Variants in CCDC7 observed in about 807,000 individuals in gnomAD.
CCDC7 encodes the protein coiled-coil domain-containing protein 7.
CCDC7 carries 183 observed loss-of-function variants against 196.9 expected under a neutral mutation model. The ratio of observed to expected loss-of-function variants is 0.93; its 90% confidence interval spans 0.82 to 1.05. The LOEUF is 1.05. Among genes scored for constraint, CCDC7 ranks in the 50% least tolerant of loss-of-function variants. CCDC7 has a pLI of 0.00. For missense variants in CCDC7, 1,540 were observed against 1,482.2 expected, an observed-to-expected ratio of 1.04 and a Z score of -0.64; for synonymous variants, 525 against 484.6, an observed-to-expected ratio of 1.08 and a Z score of -1.10.
At chr10:32,816,451 A>G (rs1271447414) in intron 31 of CCDC7, among the ~76,000 whole-genome samples, 3 of 152,176 alleles carry the variant, frequency 2.0e-5, no homozygotes, top group African/African-American at 7.2e-5. Context: ...ACCTCTGCAG[A>G]CTTAAATGTC....
At chr10:32,445,330 G>A (rs113925461), upstream of CCDC7, among the ~76,000 whole-genome samples, 4 of 152,100 alleles carry the variant, frequency 2.6e-5, no homozygotes, top group African/African-American at 9.7e-5. Context: ...TCTCTTGTGA[G>A]GCATTCAGAT....
chr10:32,830,696 A>G (rs2092076178), intron 32 of CCDC7, among the ~76,000 whole-genome samples: 1 of 152,170 alleles, frequency 6.6e-6, no homozygotes, highest in Non-Finnish European at 1.5e-5. Flanking sequence ...ATAACTGAAG[A>G]AAAATTCACT....
At chr10:32,527,132 C>T (rs1407583062) in intron 11 of CCDC7, among the ~76,000 whole-genome samples, 1 of 152,072 alleles carries the variant, frequency 6.6e-6, no homozygotes, top group East Asian at 1.9e-4. Flanking sequence ...TGCAAATGCT[C>T]CCTCCATGTG....
At chr10:32,562,751 C>T (rs1401466990) in intron 13 of CCDC7, among the ~76,000 whole-genome samples, 4 of 151,906 alleles carry the variant, frequency 2.6e-5, no homozygotes, top group Admixed American at 2.6e-4. Context: ...GACAGGGATG[C>T]CCTCTCTCAC....
chr10:32,845,449 C>A, intron 34 of CCDC7, 94 bp from the exon 36 acceptor site: 1 of 1,248,582 alleles, frequency 8.0e-7, no homozygotes, highest in South Asian at 1.3e-5. Flanking sequence ...TAAAATTATT[C>A]ATGAATATCC....
At chr10:32,881,798 A>G (rs1485710750), downstream of CCDC7, among the ~76,000 whole-genome samples, 1 of 152,032 alleles carries the variant, frequency 6.6e-6, no homozygotes, top group Non-Finnish European at 1.5e-5. Flanking sequence ...CAAACCCTTC[A>G]GTTTGGGCAG....
intron 21 of CCDC7, among the ~76,000 whole-genome samples, chr10:32,668,930 C>T (rs2073438748): frequency 6.6e-6 from 1 of 152,010 alleles, no homozygotes; most frequent in South Asian, 2.1e-4. Context: ...TGCCAGTGTT[C>T]TGTAGAATAG....
intron 28 of CCDC7, among the ~76,000 whole-genome samples, chr10:32,763,076 A>G (rs1293133391): frequency 6.6e-6 from 1 of 151,982 alleles, no homozygotes; most frequent in Non-Finnish European, 1.5e-5. Flanking sequence ...AAGAGAGCCA[A>G]CAGATTCAGA....
At chr10:32,651,751 G>T (rs1170699330) in intron 20 of CCDC7, among the ~76,000 whole-genome samples, 1 of 152,140 alleles carries the variant, frequency 6.6e-6, no homozygotes, top group African/African-American at 2.4e-5. Context: ...GGGAAGGGAG[G>T]TTTTCTTGGG....
chr10:32,529,511 C>T (rs1589568294), intron 11 of CCDC7, among the ~76,000 whole-genome samples: 2 of 152,132 alleles, frequency 1.3e-5, no homozygotes, highest in East Asian at 3.9e-4. Context: ...TATCATATTT[C>T]CCTGATCATT....
chr10:32,643,746 A>G (rs1468578898), intron 20 of CCDC7, among the ~76,000 whole-genome samples: 1 of 152,002 alleles, frequency 6.6e-6, no homozygotes, highest in Non-Finnish European at 1.5e-5. Flanking sequence ...ATGAAGTAAT[A>G]GAGTGTTTCC....
chr10:32,611,904 CTCTT>C (rs2062190381), intron 18 of CCDC7, among the ~76,000 whole-genome samples: 1 of 152,180 alleles, frequency 6.6e-6, no homozygotes, highest in Admixed American at 6.5e-5. Flanking sequence ...GCTATACAGG[CTCTT>C]TCTTGTTTCA....
At chr10:32,555,247 T>A (rs763588084) in intron 13 of CCDC7, among the ~76,000 whole-genome samples, 36 of 148,132 alleles carry the variant, frequency 2.4e-4, no homozygotes, top group Non-Finnish European at 4.4e-4. Flanking sequence ...GTTCTATTTT[T>A]AATTTTTTTT....
chr10:32,646,532 G>T (rs2067801347), intron 20 of CCDC7, among the ~76,000 whole-genome samples: 1 of 152,000 alleles, frequency 6.6e-6, no homozygotes, highest in Non-Finnish European at 1.5e-5. Flanking sequence ...TGTCTGTTAG[G>T]TTCATTTTGT....
At chr10:32,456,481 A>AT in intron 3 of CCDC7, 147 bp downstream of exon 4, 1 of 598,406 alleles carries the variant, frequency 1.7e-6, no homozygotes. Context: ...TTATTTATTT[A>AT]TTTTTTATTC....
chr10:32,865,432 C>CACAT (rs59815547), intron 41 of CCDC7, among the ~76,000 whole-genome samples: 1 of 142,322 alleles, frequency 7.0e-6, no homozygotes, highest in African/African-American at 2.6e-5. Context: ...CACACACACA[C>CACAT]GAGAATGGCT....
intron 24 of CCDC7, among the ~76,000 whole-genome samples, chr10:32,709,831 T>C (rs1234644701): frequency 1.3e-5 from 2 of 152,196 alleles, no homozygotes; most frequent in Non-Finnish European, 2.9e-5. Context: ...GTGACACTTA[T>C]AACCCTAGAA....
intron 8 of CCDC7, among the ~76,000 whole-genome samples, chr10:32,477,437 G>C (rs1441723209): frequency 6.6e-6 from 1 of 152,062 alleles, no homozygotes; most frequent in African/African-American, 2.4e-5. Context: ...TCCTGAACTC[G>C]TGATCCGCCT....
intron 24 of CCDC7, among the ~76,000 whole-genome samples, chr10:32,699,214 C>T (rs1282825601): frequency 9.3e-6 from 1 of 108,092 alleles, no homozygotes; most frequent in Admixed American, 1.2e-4. Flanking sequence ...CTCCCCCCAC[C>T]CCACAACAGG....
Sources: allele counts gnomAD v4.1 joint callset (sites outside exome capture counted in the v4.1 genomes callset), GRCh38; gene constraint gnomAD v4.1.1; transcripts MANE v1.5; gene names NCBI Gene and HGNC (gene_info 2026-07-23, HGNC 2026-07-21).